Variants in CAB39 observed in about 807,000 individuals in gnomAD.
The protein encoded by CAB39 is calcium binding protein 39.
A neutral mutation model predicts 40.0 loss-of-function variants in CAB39; 8 were observed. That is an observed-to-expected ratio of 0.20 (90% CI 0.12 to 0.36). The LOEUF (loss-of-function observed/expected upper bound fraction) is 0.36, where lower values mean the gene tolerates loss of function less well. CAB39 is among the 10% of genes least tolerant of loss of function. CAB39 has a pLI of 1.00. For synonymous variants in CAB39, 156 were observed against 141.6 expected (o/e 1.10, Z -0.72); for missense variants, 270 against 401.1 (o/e 0.67, Z 2.79).
At chr2:230,808,953 C>T (rs186183169) in intron 5 of CAB39, among the ~76,000 whole-genome samples, 114 of 152,334 alleles carry the variant, frequency 7.5e-4, no homozygotes, top group African/African-American at 2.6e-3. Flanking sequence ...AAAACAGACA[C>T]GATCCTGGTA....
chr2:230,742,832 G>C (rs966794206), intron 1 of CAB39, among the ~76,000 whole-genome samples: 1 of 150,848 alleles, frequency 6.6e-6, no homozygotes, highest in Non-Finnish European at 1.5e-5. Flanking sequence ...ATAGGTCCTA[G>C]TGTTGATTAG....
chr2:230,739,612 A>G (rs1019897546), intron 1 of CAB39, among the ~76,000 whole-genome samples: 12 of 152,296 alleles, frequency 7.9e-5, no homozygotes, highest in Non-Finnish European at 5.9e-5. Context: ...CTCCTGCTTC[A>G]GCCTCCCAAG....
rs1362955392 is a variant in CAB39, at chr2:230,772,524, G to T, written c.114+12409G>T. Among the ~76,000 whole-genome samples the T allele has an allele frequency of 3.5e-5, 5 of 144,202 alleles. No homozygotes were observed. The East Asian group carries it at 1.0e-3, about 29-fold the overall frequency. 94.6% of individuals were successfully genotyped at this position (144,202 alleles called of 152,430 possible). On this transcript the variant is annotated intron_variant, in intron 2 of 8. Transcript: ENST00000258418. Reference sequence around the variant, plus strand: ...TTTTGAGACGAAGTCTCACTCTGTTGCCCAGGCTGGAGTGCAGTGGCACAG... The same window carrying T: ...TTTTGAGACGAAGTCTCACTCTGTTTCCCAGGCTGGAGTGCAGTGGCACAG...
At chr2:230,756,650 TCTAA>T (rs1294752619) in intron 1 of CAB39, among the ~76,000 whole-genome samples, 46 of 150,570 alleles carry the variant, frequency 3.1e-4, no homozygotes, top group Admixed American at 9.9e-4. Context: ...GAGGATAGTT[TCTAA>T]CTGTTTGTTT....
intron 1 of CAB39, among the ~76,000 whole-genome samples, chr2:230,737,758 A>AG (rs1392788417): frequency 3.3e-5 from 5 of 152,212 alleles, no homozygotes; most frequent in Non-Finnish European, 7.3e-5. Flanking sequence ...ACTAAAACTT[A>AG]AATTTTTATG....
chr2:230,804,461 CT>C (rs1696153411), intron 5 of CAB39, among the ~76,000 whole-genome samples: 1 of 152,130 alleles, frequency 6.6e-6, no homozygotes, highest in South Asian at 2.1e-4. Flanking sequence ...AACAGGCACC[CT>C]ACAGAATGGG....
chr2:230,715,567 G>A (rs1383354249), intron 1 of CAB39, among the ~76,000 whole-genome samples: 1 of 152,172 alleles, frequency 6.6e-6, no homozygotes, highest in East Asian at 1.9e-4. Flanking sequence ...CTGAAAAATA[G>A]TCTCTACACT....
At chr2:230,748,825 AAAAAAAATATATATAT>A (rs1469599740) in intron 1 of CAB39, among the ~76,000 whole-genome samples, 1,202 of 59,196 alleles carry the variant, frequency 0.02, 46 homozygotes, top group African/African-American at 0.065. Flanking sequence ...AAAAAAAAAA[AAAAAAAATATATATAT>A]ATATATATAT....
intron 1 of CAB39, among the ~76,000 whole-genome samples, chr2:230,756,657 GTTTGTTTATTTA>G (rs1177422194): frequency 0.041 from 5,541 of 134,664 alleles, 321 homozygotes; most frequent in African/African-American, 0.13. Flanking sequence ...GTTTCTAACT[GTTTGTTTATTTA>G]TTTATTTATT....
At chr2:230,770,047 A>G (rs1277471061) in intron 2 of CAB39, among the ~76,000 whole-genome samples, 2 of 152,200 alleles carry the variant, frequency 1.3e-5, no homozygotes, top group African/African-American at 4.8e-5. Context: ...GGAAATTTCT[A>G]GCACTAAATA....
intron 1 of CAB39, among the ~76,000 whole-genome samples, chr2:230,741,898 G>T (rs1419098655): frequency 6.6e-6 from 1 of 152,142 alleles, no homozygotes; most frequent in African/African-American, 2.4e-5. Context: ...TGGATTTGTT[G>T]ATTTATTTTT....
intron 1 of CAB39, among the ~76,000 whole-genome samples, chr2:230,757,494 C>T (rs1575925157): frequency 6.6e-6 from 1 of 152,162 alleles, no homozygotes; most frequent in Admixed American, 6.6e-5. Context: ...TCATGCCTCC[C>T]CTTGCCCACA....
At chr2:230,773,316 G>A (rs13420819) in intron 2 of CAB39, among the ~76,000 whole-genome samples, 1,242 of 97,438 alleles carry the variant, frequency 0.013, 4 homozygotes, top group African/African-American at 0.029. Flanking sequence ...ATATATATAT[G>A]TGTGTGTGTG....
rs544315006 is a variant in CAB39, at chr2:230,741,672, C to A, written c.-43-18287C>A. On this transcript the variant is annotated intron_variant, in intron 1 of 8. Transcript: ENST00000258418. ...ATTTGATCACATCGTAAGTTGGAAT[C>A]CAATTCTAAAGGCACGTGTATACAT... 3.3e-5 allele frequency among the ~76,000 whole-genome samples: 5 copies of A among 152,204 alleles called. No individual in the cohort carries two copies. The East Asian group carries it at 9.7e-4, about 29-fold the overall frequency.
At chr2:230,728,084 C>G (rs545340725) in intron 1 of CAB39, among the ~76,000 whole-genome samples, 2 of 152,032 alleles carry the variant, frequency 1.3e-5, no homozygotes, top group South Asian at 4.2e-4. Flanking sequence ...ACTAAAAATA[C>G]AAAAATTAGC....
intron 2 of CAB39, among the ~76,000 whole-genome samples, chr2:230,777,415 T>G (rs1695613675): frequency 6.6e-6 from 1 of 151,308 alleles, no homozygotes; most frequent in Non-Finnish European, 1.5e-5. Flanking sequence ...CATATAGATC[T>G]CAATTTTGTT....
intron 2 of CAB39, among the ~76,000 whole-genome samples, chr2:230,788,383 C>T (rs542834015): frequency 2.0e-5 from 3 of 152,050 alleles, no homozygotes; most frequent in African/African-American, 4.8e-5. Flanking sequence ...TCCATTACAC[C>T]TCTTTGAGCT....
In CAB39 at chr2:230,712,858, A is replaced by T. The variant is rs1021999433; in HGVS notation, c.-416A>T. 3 of 151,976 alleles carry T rather than the reference A, an allele frequency of 2.0e-5. No homozygotes were observed. The highest frequency in any genetic ancestry group is 7.2e-5 in the African/African-American group (3 of 41,416). The allele number at this position is 151,976 out of a possible 1,614,324, so 9.4% of individuals were successfully genotyped here. ...GGCGGCTGCGCAGTGCGCACGTCAA[A>T]GCCGGGCTCGGGCCGCAAGCGGGGC... is the stretch of plus-strand genomic sequence containing the variant. On this transcript the variant is annotated 5_prime_UTR_variant, in exon 1 of 9. It adds an upstream start codon to the 5' untranslated region. Coordinates refer to ENST00000258418, the MANE Select transcript of CAB39 (RefSeq NM_016289.4).
At chr2:230,773,310 ATATATGTG>A (rs939817131) in intron 2 of CAB39, among the ~76,000 whole-genome samples, 17 of 84,500 alleles carry the variant, frequency 2.0e-4, no homozygotes, top group African/African-American at 9.3e-4. Flanking sequence ...ATATATATAT[ATATATGTG>A]TGTGTGTGTG....
Sources: gnomAD v4.1 joint callset for allele counts (sites outside exome capture counted in the v4.1 genomes callset) on GRCh38, gnomAD v4.1.1 for gene constraint, MANE v1.5 for transcripts, NCBI Gene and HGNC (gene_info 2026-07-23, HGNC 2026-07-21) for gene names.